KCNH7: variants seen among roughly 807,000 people sequenced by gnomAD.
KCNH7 encodes potassium voltage-gated channel subfamily H member 7, also known as voltage-gated inwardly rectifying potassium channel KCNH7.
In KCNH7, 49 loss-of-function variants were observed where a neutral mutation model predicts 120.8. That is an observed-to-expected ratio of 0.41 (90% CI 0.32 to 0.51). KCNH7 has a LOEUF of 0.51. KCNH7 is among the 20% of genes least tolerant of loss of function. KCNH7 has a pLI of 0.38. For missense variants in KCNH7, 1,097 were observed against 1,446.6 expected (o/e 0.76, Z 3.92); for synonymous variants, 547 against 516.1 (o/e 1.06, Z -0.81).
intron 2 of KCNH7, among the ~76,000 whole-genome samples, chr2:162,579,702 G>T (rs1693810106): frequency 6.6e-6 from 1 of 151,988 alleles, no homozygotes; most frequent in South Asian, 2.1e-4. Context: ...AATGTAACAA[G>T]CCTTTCCGAA....
At chr2:162,647,140 G>A (rs961593784) in intron 2 of KCNH7, among the ~76,000 whole-genome samples, 1 of 152,146 alleles carries the variant, frequency 6.6e-6, no homozygotes, top group Non-Finnish European at 1.5e-5. Flanking sequence ...CTTAGTTTAT[G>A]TGTCCACCTA....
intron 6 of KCNH7, among the ~76,000 whole-genome samples, chr2:162,469,676 TCCCTCC>T (rs1215215642): frequency 1.3e-5 from 2 of 151,592 alleles, no homozygotes; most frequent in Non-Finnish European, 2.9e-5. Flanking sequence ...ATTTGCCCTC[TCCCTCC>T]CCCTCCCCCT....
chr2:162,715,111 TAAAG>T (rs1687065878), intron 2 of KCNH7, among the ~76,000 whole-genome samples: 1 of 152,190 alleles, frequency 6.6e-6, no homozygotes, highest in Non-Finnish European at 1.5e-5. Flanking sequence ...TGGATTACTA[TAAAG>T]AAATACCTGA....
At chr2:162,478,935 T>A (rs901471059) in intron 6 of KCNH7, among the ~76,000 whole-genome samples, 1 of 152,160 alleles carries the variant, frequency 6.6e-6, no homozygotes, top group African/African-American at 2.4e-5. Flanking sequence ...TGTGACTCCC[T>A]GGGCTTTCCT....
chr2:162,371,742 G>T lies in KCNH7; in HGVS notation c.*87C>A. ...ATATAATGGTACCTTGTGAGCCCCT[G>T]AGTCAAGTAGAGAGGATTTAAATAG... On this transcript the variant is annotated 3_prime_UTR_variant, in exon 16 of 16. Coordinates refer to ENST00000332142, the MANE Select transcript of KCNH7 (RefSeq NM_033272.4). 1 of 1,258,872 alleles carries T rather than the reference G, an allele frequency of 7.9e-7. No homozygotes were observed. Among genetic ancestry groups the T allele is most frequent in the Non-Finnish European group, 1.1e-6 (1 of 907,924 alleles). The allele number at this position is 1,258,872 out of a possible 1,614,324, so 78.0% of individuals were successfully genotyped here.
intron 2 of KCNH7, among the ~76,000 whole-genome samples, chr2:162,544,009 C>T (rs752169730): frequency 2.6e-4 from 40 of 152,138 alleles, no homozygotes; most frequent in Non-Finnish European, 5.0e-4. Context: ...CAGATTAATT[C>T]TCTTGTCCAG....
chr2:162,670,436 C>T (rs1574246085), intron 2 of KCNH7, among the ~76,000 whole-genome samples: 1 of 133,596 alleles, frequency 7.5e-6, no homozygotes. Context: ...TCATACCACT[C>T]CACTCCAGCC....
chr2:162,679,401 T>C (rs1685636706), intron 2 of KCNH7, among the ~76,000 whole-genome samples: 1 of 151,646 alleles, frequency 6.6e-6, no homozygotes, highest in African/African-American at 2.4e-5. Context: ...TTGAGATATA[T>C]TGTTTTAATT....
chr2:162,764,122 T>C (rs1210493459), intron 2 of KCNH7, among the ~76,000 whole-genome samples: 2 of 152,122 alleles, frequency 1.3e-5, no homozygotes, highest in Admixed American at 6.6e-5. Flanking sequence ...TATTTCCCAA[T>C]AGTATATTAC....
chr2:162,373,216 T>C (rs1009509452), intron 15 of KCNH7, among the ~76,000 whole-genome samples: 2 of 152,016 alleles, frequency 1.3e-5, no homozygotes, highest in Non-Finnish European at 2.9e-5. Flanking sequence ...AAGGTTTTCC[T>C]TTTAAAAAAA....
chr2:162,657,134 G>T (rs1353950186), intron 2 of KCNH7, among the ~76,000 whole-genome samples: 1 of 152,106 alleles, frequency 6.6e-6, no homozygotes, highest in Non-Finnish European at 1.5e-5. Flanking sequence ...TTGTTATAAT[G>T]GATGAACCTA....
chr2:162,801,229 A>G (rs1196591648), intron 2 of KCNH7, among the ~76,000 whole-genome samples: 1 of 151,368 alleles, frequency 6.6e-6, no homozygotes, highest in Non-Finnish European at 1.5e-5. Context: ...CAAAGATATT[A>G]GTGGGGATTT....
At chr2:162,552,910 G>C (rs1692725480) in intron 2 of KCNH7, among the ~76,000 whole-genome samples, 1 of 152,160 alleles carries the variant, frequency 6.6e-6, no homozygotes, top group Non-Finnish European at 1.5e-5. Flanking sequence ...GTCACAACTT[G>C]ATTTCAGCCT....
intron 2 of KCNH7, among the ~76,000 whole-genome samples, chr2:162,609,366 C>T (rs1682885270): frequency 6.6e-6 from 1 of 152,078 alleles, no homozygotes; most frequent in African/African-American, 2.4e-5. Context: ...CTAGAGAATG[C>T]ATTTTTCTTT....
At chr2:162,470,441 G>A (rs10930056) in intron 6 of KCNH7, among the ~76,000 whole-genome samples, 10,882 of 144,852 alleles carry the variant, frequency 0.075, 1,276 homozygotes, top group African/African-American at 0.25. Context: ...CAGCCGCCCC[G>A]TCTGAGAAGT....
intron 3 of KCNH7, 46 bp from the exon 4 acceptor site, chr2:162,518,204 T>A (rs763307090): frequency 3.4e-5 from 46 of 1,372,742 alleles, no homozygotes; most frequent in Non-Finnish European, 4.4e-5. Context: ...GCAAATGATA[T>A]ATCCTGTAAC....
At chr2:162,623,800 G>A (rs1683449226) in intron 2 of KCNH7, among the ~76,000 whole-genome samples, 1 of 152,136 alleles carries the variant, frequency 6.6e-6, no homozygotes, top group Non-Finnish European at 1.5e-5. Context: ...ATATATCTTA[G>A]CTAATATCAT....
Position 162,673,504 on chromosome 2 carries a change from G to A in KCNH7, c.308-136424C>T, listed in dbSNP as rs182150417. Among the ~76,000 whole-genome samples the A allele has an allele frequency of 3.5e-4, 53 of 152,110 alleles. 1 individual carries two copies. Among genetic ancestry groups the A allele is most frequent in the Admixed American group, 2.3e-3 (35 of 15,244 alleles). The stretch of plus-strand genomic sequence containing the variant: ...ATCCCAGGGTCTGGGATTTGGCTAC[G>A]TGATTTACTTTGGCTGATAGAATGT... On this transcript the variant is annotated intron_variant, in intron 2 of 15. Transcript: ENST00000332142.
At chr2:162,566,839 TC>T (rs1321393844) in intron 2 of KCNH7, among the ~76,000 whole-genome samples, 4 of 151,888 alleles carry the variant, frequency 2.6e-5, no homozygotes, top group Admixed American at 2.0e-4. Flanking sequence ...CACAGGAGTA[TC>T]CAAAGGAAAA....
Sources: allele counts gnomAD v4.1 joint callset (sites outside exome capture counted in the v4.1 genomes callset), GRCh38; gene constraint gnomAD v4.1.1; transcripts MANE v1.5; gene names NCBI Gene and HGNC (gene_info 2026-07-23, HGNC 2026-07-21).